The following CREBBP variants were observed in gnomAD, a reference collection of about 807,000 sequenced individuals.
CREBBP encodes the protein CREB-binding protein.
Under a neutral mutation model 265.0 loss-of-function variants are expected in CREBBP, and 19 were observed. That is an observed-to-expected ratio of 0.07 (90% CI 0.05 to 0.11). CREBBP has a LOEUF of 0.11. CREBBP is among the 10% of genes least tolerant of loss of function. The probability of loss-of-function intolerance (pLI) is 1.00; values close to 1 mark genes in which losing one functional copy is unlikely to be tolerated. For missense variants in CREBBP, 2,525 were observed against 3,219.0 expected (o/e 0.78, Z 5.22); for synonymous variants, 1,457 against 1,223.7 (o/e 1.19, Z -3.98).
chr16:3,810,518 A>T, intron 3 of CREBBP, 85 bp downstream of exon 3: 1 of 1,489,510 alleles, frequency 6.7e-7, no homozygotes, highest in Non-Finnish European at 9.4e-7. Context: ...TTTTAGTTAT[A>T]GACTTTCACT....
intron 18 of CREBBP, among the ~76,000 whole-genome samples, 167 bp downstream of exon 18, chr16:3,757,642 C>G (rs1223323199): frequency 6.6e-6 from 1 of 152,146 alleles, no homozygotes; most frequent in Non-Finnish European, 1.5e-5. Context: ...CGCCTGTACA[C>G]CCAGCTCTGA....
intron 2 of CREBBP, among the ~76,000 whole-genome samples, chr16:3,849,488 T>A (rs978678560): frequency 1.6e-4 from 20 of 125,444 alleles, no homozygotes; most frequent in Admixed American, 3.5e-4. Context: ...TGTGTGTGTG[T>A]GATGTGCGTG....
chr16:3,765,474 T>C (rs2052829309), intron 16 of CREBBP, among the ~76,000 whole-genome samples: 1 of 152,196 alleles, frequency 6.6e-6, no homozygotes, highest in Non-Finnish European at 1.5e-5. Context: ...AGATAAGCTA[T>C]AGTTACTAAG....
At chr16:3,800,621 C>T (rs2053693447) in intron 3 of CREBBP, among the ~76,000 whole-genome samples, 1 of 152,088 alleles carries the variant, frequency 6.6e-6, no homozygotes, top group African/African-American at 2.4e-5. Flanking sequence ...GGTGGGAGAA[C>T]TGCTGGAGCC....
intron 21 of CREBBP, chr16:3,745,589 A>C: frequency 1.8e-6 from 1 of 554,696 alleles, no homozygotes; most frequent in Non-Finnish European, 3.2e-6. Flanking sequence ...CTTTTCTCCC[A>C]ATCTCCCTTT....
At position 3,778,048 on chromosome 16, in the gene CREBBP, G is replaced by A. The variant is rs149840238; in HGVS notation, c.2076C>T (p.Pro692=). Residue 692 remains proline, a synonymous_variant, in exon 10 of 31, where the codon CCC becomes CCT. Transcript: ENST00000262367. ...QPALPAPGAQ[P]PVIPQAQPVR... is the part of the protein sequence containing the mutation. ...CAGGTTGTGCCTGTGGAATCACAGG[G>A]GGCTGAGCCCCCGGGGCTGGTAAGG... 12 of 1,614,066 alleles carry A rather than the reference G, an allele frequency of 7.4e-6. No individual in the cohort carries two copies. The African/African-American group carries it at 1.3e-4, about 18-fold the overall frequency.
At position 3,777,631 on chromosome 16, in the gene CREBBP, G is replaced by A. The variant is rs751540839; in HGVS notation, c.2140C>T (p.Arg714Cys). ...TCAATACCTTGAGAAACTTGCATGC[G>A]ATTCACTGGCAGGGACAGGGGTCCA... ...PNGPLSLPVN[R>C]MQVSQGMNSF... The change falls in exon 11 of 31, where the codon CGC becomes TGC. Residue 714 changes from arginine to cysteine, a missense_variant. Physicochemically the swap from Arg to Cys is radical, Grantham distance 180 (BLOSUM62 -3). This residue lies in a region of CREBBP where 548 missense variants were observed against 533.0 expected (regional missense o/e 1.03). Coordinates refer to ENST00000262367, the MANE Select transcript of CREBBP (RefSeq NM_004380.3). The A allele has an allele frequency of 3.7e-6, 6 of 1,613,992 alleles. No individual in the cohort carries two copies. In the Admixed American group the frequency reaches 5.0e-5, roughly 13 times the overall value.
intron 1 of CREBBP, among the ~76,000 whole-genome samples, chr16:3,868,134 C>T (rs1369719332): frequency 6.6e-6 from 1 of 152,116 alleles, no homozygotes; most frequent in South Asian, 2.1e-4. Context: ...AAACAGCTAA[C>T]ACTGGTTGCC....
chr16:3,737,661 ACC>A, intron 26 of CREBBP, among the ~76,000 whole-genome samples: 1 of 151,870 alleles, frequency 6.6e-6, no homozygotes, highest in Non-Finnish European at 1.5e-5. Flanking sequence ...ACAGGGTTTC[ACC>A]ATGTTGGTCA....
At position 3,771,027 on chromosome 16, in the gene CREBBP, G is replaced by A. The variant is rs191895645; in HGVS notation, c.2464-41C>T. The A allele has an allele frequency of 2.4e-4, 386 of 1,604,074 alleles. 1 individual carries two copies. In the East Asian group the frequency reaches 3.2e-3, roughly 13 times the overall value. On this transcript the variant is annotated intron_variant, in intron 13 of 30. Transcript: ENST00000262367. ...AGAGTATGGTAAAATTATTTCCCCCGTTTGAAAATGTGATGAAACATTTGA... is the reference window on the plus strand; with the variant it reads ...AGAGTATGGTAAAATTATTTCCCCCATTTGAAAATGTGATGAAACATTTGA...
chr16:3,754,642 G>A (rs922422920), intron 19 of CREBBP, among the ~76,000 whole-genome samples: 1 of 152,036 alleles, frequency 6.6e-6, no homozygotes, highest in African/African-American at 2.4e-5. Flanking sequence ...CATATCACTG[G>A]GATATCTATA....
In CREBBP at chr16:3,850,525, A is replaced by G. The variant is rs1383433204; in HGVS notation, c.570T>C (p.Asn190=). The G allele has an allele frequency of 1.9e-6, 3 of 1,614,070 alleles. No homozygotes were observed. Among genetic ancestry groups the G allele is most frequent in the Non-Finnish European group, 2.5e-6 (3 of 1,180,030 alleles). The stretch of plus-strand genomic sequence containing the variant: ...TAATTAAGCTATGGCCAGAGTTACT[A>G]TTGAGGAGGCCTGGGTGGGTCTGGT... ...NFNQTHPGLL[N]SNSGHSLINQ... The change falls in exon 2 of 31, where the codon AAT becomes AAC. Residue 190 remains asparagine (N), a synonymous_variant. Coordinates refer to ENST00000262367, the MANE Select transcript of CREBBP (RefSeq NM_004380.3).
intron 2 of CREBBP, among the ~76,000 whole-genome samples, chr16:3,826,009 C>A (rs982150181): frequency 1.3e-5 from 2 of 152,218 alleles, no homozygotes; most frequent in Non-Finnish European, 2.9e-5. Flanking sequence ...ATTGCTTGAG[C>A]TCAGGAGTTT....
chr16:3,769,601 G>C (rs779550086), intron 14 of CREBBP, among the ~76,000 whole-genome samples: 16 of 152,166 alleles, frequency 1.1e-4, no homozygotes, highest in Admixed American at 2.0e-4. Flanking sequence ...TTCAAACTTT[G>C]ACATAAATTT....
rs200566758 is a variant in CREBBP, at chr16:3,727,791, G to A, written c.7256C>T (p.Ala2419Val). The change falls in exon 31 of 31, where the codon GCG becomes GTG. Residue 2419 changes from alanine to valine, a missense_variant. This residue lies in a region of CREBBP where 473 missense variants were observed against 459.3 expected (regional missense o/e 1.03). Transcript: ENST00000262367. ...LPQLNTPSRSALSSELSLVGD... is the reference protein window; with the variant it reads ...LPQLNTPSRSVLSSELSLVGD... ...GACCAGGGACAGTTCGCTGGACAGC[G>A]CACTCCTGCTGGGGGTGTTCAGCTG... 98 of 1,614,148 alleles carry A rather than the reference G, an allele frequency of 6.1e-5. No individual in the cohort carries two copies. In the East Asian group the frequency reaches 9.4e-4, roughly 15 times the overall value.
At chr16:3,763,711 G>A (rs562972847) in intron 16 of CREBBP, among the ~76,000 whole-genome samples, 2 of 152,202 alleles carry the variant, frequency 1.3e-5, no homozygotes, top group Admixed American at 6.5e-5. Flanking sequence ...TGATCCACCC[G>A]CCTCAGCTTC....
At chr16:3,832,849 T>A (rs1206772580) in intron 2 of CREBBP, among the ~76,000 whole-genome samples, 1 of 151,464 alleles carries the variant, frequency 6.6e-6, no homozygotes, top group African/African-American at 2.4e-5. Flanking sequence ...CTCACAGGAA[T>A]GCAAGGCTGG....
chr16:3,799,216 A>T (rs2053666042), intron 3 of CREBBP, among the ~76,000 whole-genome samples: 1 of 152,144 alleles, frequency 6.6e-6, no homozygotes, highest in South Asian at 2.1e-4. Context: ...TTCTCTTTGG[A>T]GTGGTGAAAA....
At chr16:3,875,158 T>C (rs1283385474) in intron 1 of CREBBP, among the ~76,000 whole-genome samples, 1 of 152,220 alleles carries the variant, frequency 6.6e-6, no homozygotes, top group Non-Finnish European at 1.5e-5. Flanking sequence ...TAAGTTATGT[T>C]CAATTCTGTT....
Sources: allele counts gnomAD v4.1 joint callset (sites outside exome capture counted in the v4.1 genomes callset), GRCh38; gene constraint gnomAD v4.1.1; regional missense constraint gnomAD v4.1.1; transcripts MANE v1.5; gene names NCBI Gene and HGNC (gene_info 2026-07-23, HGNC 2026-07-21).